AQR: variants seen among roughly 807,000 people sequenced by gnomAD.
AQR encodes RNA helicase aquarius.
Under a neutral mutation model 180.5 loss-of-function variants are expected in AQR, and 61 were observed. That is an observed-to-expected ratio of 0.34 (90% confidence interval 0.28 to 0.42). The LOEUF (loss-of-function observed/expected upper bound fraction) is 0.42, where lower values mean the gene tolerates loss of function less well. AQR is among the 10% of genes least tolerant of loss of function. The probability of loss-of-function intolerance (pLI) is 1.00; values close to 1 mark genes in which losing one functional copy is unlikely to be tolerated. For missense variants in AQR, 1,281 were observed against 1,798.3 expected, an observed-to-expected ratio of 0.71 and a Z score of 5.20; for synonymous variants, 551 against 588.8, an observed-to-expected ratio of 0.94 and a Z score of 0.93.
chr15:34,930,394 A>G (rs1391086224), intron 11 of AQR, 23 bp from the exon 12 acceptor site: 4 of 1,316,236 alleles, frequency 3.0e-6, no homozygotes, highest in Middle Eastern at 1.8e-4. Flanking sequence ...ATTTACATGT[A>G]TAAATCATAT....
intron 13 of AQR, among the ~76,000 whole-genome samples, chr15:34,924,666 G>A (rs1000312460): frequency 6.6e-6 from 1 of 151,966 alleles, no homozygotes; most frequent in Non-Finnish European, 1.5e-5. Flanking sequence ...CCTGACCTCA[G>A]GTGATCCGCC....
At chr15:34,879,606 G>T (rs1892939956) in intron 27 of AQR, among the ~76,000 whole-genome samples, 1 of 152,152 alleles carries the variant, frequency 6.6e-6, no homozygotes. Flanking sequence ...ACTTGTAATA[G>T]GAGCTTTTTT....
At chr15:34,906,038 GGAAAAAAA>G (rs1440015165) in intron 18 of AQR, among the ~76,000 whole-genome samples, 1 of 151,142 alleles carries the variant, frequency 6.6e-6, no homozygotes, top group Admixed American at 6.6e-5. Flanking sequence ...CGTCTTGGGG[GGAAAAAAA>G]GAAAAAGATC....
chr15:34,857,857 TC>T (rs1892611281), intron 34 of AQR, among the ~76,000 whole-genome samples: 1 of 152,146 alleles, frequency 6.6e-6, no homozygotes, highest in South Asian at 2.1e-4. Flanking sequence ...AGGTTTCTGT[TC>T]CGTTCAACCA....
At chr15:34,915,209 A>ATT (rs370486508) in intron 15 of AQR, 30 bp from the exon 16 acceptor site, 4,112 of 1,267,114 alleles carry the variant, frequency 3.2e-3, no homozygotes, top group South Asian at 5.1e-3. Context: ...CCATATTTCA[A>ATT]TTTTTTTTTT....
At chr15:34,952,277 T>C (rs1163699346) in intron 4 of AQR, among the ~76,000 whole-genome samples, 1 of 152,204 alleles carries the variant, frequency 6.6e-6, no homozygotes, top group Non-Finnish European at 1.5e-5. Flanking sequence ...TTCCAGTAAA[T>C]ACAGAGGATA....
At chr15:34,860,242 T>G (rs1595778758) in intron 33 of AQR, 87 bp from the exon 34 acceptor site, 2 of 564,394 alleles carry the variant, frequency 3.5e-6, no homozygotes, top group East Asian at 6.2e-5. Flanking sequence ...CTTAATCTTA[T>G]GAATAAGCAC....
intron 4 of AQR, among the ~76,000 whole-genome samples, chr15:34,950,711 T>C (rs1381116492): frequency 2.0e-5 from 3 of 152,218 alleles, no homozygotes; most frequent in Non-Finnish European, 2.9e-5. Context: ...ATATTTGTTC[T>C]CTGCTGTTCA....
In AQR at chr15:34,969,676, G is replaced by C. The variant is rs2050333655; in HGVS notation, c.-63C>G. ...GACCGCTCTGGGCAGCGGCAACCCT[G>C]GTCCACTTCCCTTAAGTTACTGCCG... On this transcript the variant is annotated 5_prime_UTR_variant, in exon 1 of 35. Coordinates refer to ENST00000156471, the MANE Select transcript of AQR (RefSeq NM_014691.3). 2 of 1,540,354 alleles carry C rather than the reference G, an allele frequency of 1.3e-6. No individual in the cohort carries two copies. The highest frequency in any genetic ancestry group is 1.4e-5 in the African/African-American group (1 of 72,574).
chr15:34,950,276 G>GAC (rs1894205937), intron 4 of AQR, among the ~76,000 whole-genome samples: 1 of 151,764 alleles, frequency 6.6e-6, no homozygotes, highest in Non-Finnish European at 1.5e-5. Flanking sequence ...TTTTAGTAGA[G>GAC]ACAGGGTTTC....
rs747343331 is a variant in AQR at position 34,876,139 on chromosome 15, A to G, written c.3166-133T>C. 1.8e-4 allele frequency: 115 copies of G among 643,090 alleles called. No individual in the cohort carries two copies. The African/African-American group carries it at 1.8e-3, about 10-fold the overall frequency. 39.8% of individuals were successfully genotyped at this position (643,090 alleles called of 1,614,324 possible). A position where few individuals can be genotyped will look rare whatever the true frequency, so the allele number is the denominator to read the frequency against. ...ACAAATTATTCAGACAGATAAAAAT[A>G]ACAACATACACATTATTCAAACAGA... On this transcript the variant is annotated intron_variant, in intron 27 of 34. Coordinates refer to ENST00000156471, the MANE Select transcript of AQR (RefSeq NM_014691.3).
At chr15:34,948,823 C>T (rs1024958745) in intron 4 of AQR, among the ~76,000 whole-genome samples, 2 of 151,700 alleles carry the variant, frequency 1.3e-5, no homozygotes, top group Non-Finnish European at 2.9e-5. Context: ...ACTTGGAATC[C>T]TCCACAAATT....
At chr15:34,939,313 C>T (rs941632496) in intron 8 of AQR, among the ~76,000 whole-genome samples, 14 of 152,310 alleles carry the variant, frequency 9.2e-5, no homozygotes, top group African/African-American at 3.4e-4. Context: ...GTGGTCCACC[C>T]GCCTCGGCCT....
chr15:34,873,785 A>G, intron 30 of AQR, 43 bp downstream of exon 30: 1 of 1,476,102 alleles, frequency 6.8e-7, no homozygotes, highest in Non-Finnish European at 9.1e-7. Flanking sequence ...TATGTCAGCC[A>G]GCAAATGCAA....
intron 34 of AQR, among the ~76,000 whole-genome samples, 169 bp from the exon 35 acceptor site, chr15:34,857,275 T>C (rs984620579): frequency 2.6e-5 from 4 of 152,198 alleles, no homozygotes; most frequent in Admixed American, 2.0e-4. Context: ...CCAAGGAATA[T>C]GCCTACACAG....
Position 34,856,270 on chromosome 15 carries a change from T to C in AQR, c.*522A>G, listed in dbSNP as rs757291035. On this transcript the variant is annotated 3_prime_UTR_variant, in exon 35 of 35. Coordinates refer to ENST00000156471, the MANE Select transcript of AQR (RefSeq NM_014691.3). ...CATTCTAAGATTTGAGAGAAGGAAA[T>C]GCATGTAACCACTTTGATAGATTGA... The C allele has an allele frequency of 3.1e-6, 1 of 318,574 alleles. No individual in the cohort carries two copies. The highest frequency in any genetic ancestry group is 5.6e-6 in the Non-Finnish European group (1 of 177,362). 19.7% of individuals were successfully genotyped at this position (318,574 alleles called of 1,614,324 possible).
chr15:34,953,828 C>G (rs2140504449), intron 3 of AQR, among the ~76,000 whole-genome samples: 1 of 152,328 alleles, frequency 6.6e-6, no homozygotes. Context: ...TGATAAAAGA[C>G]AGAAAATCCT....
At position 34,856,001 on chromosome 15, in the gene AQR, T is replaced by C. The variant is rs924711718; in HGVS notation, c.*791A>G. 1.3e-5 allele frequency: 2 copies of C among 152,274 alleles called. No individual in the cohort carries two copies. Among genetic ancestry groups the C allele is most frequent in the African/African-American group, 4.8e-5 (2 of 41,458 alleles). The allele number at this position is 152,274 out of a possible 1,614,324, so 9.4% of individuals were successfully genotyped here. The stretch of plus-strand genomic sequence containing the variant: ...CAGGAGTTAAGTTCTCTGACTCTCA[T>C]TGCCCAGACTCAGGATCCTGCTTCT... On this transcript the variant is annotated 3_prime_UTR_variant, in exon 35 of 35. Transcript: ENST00000156471.
chr15:34,928,431 G>A (rs544256887), intron 12 of AQR, among the ~76,000 whole-genome samples: 2 of 152,226 alleles, frequency 1.3e-5, no homozygotes, highest in South Asian at 4.1e-4. Context: ...CTGCTTATGA[G>A]TGAGAACATG....
Sources: allele counts gnomAD v4.1 joint callset (sites outside exome capture counted in the v4.1 genomes callset), GRCh38; gene constraint gnomAD v4.1.1; transcripts MANE v1.5; gene names NCBI Gene and HGNC (gene_info 2026-07-23, HGNC 2026-07-21).